BBS4: variants seen among roughly 807,000 people sequenced by gnomAD.
BBS4 encodes the protein Bardet-Biedl syndrome 4, also known as BBSome complex member BBS4.
Under a neutral mutation model 71.4 loss-of-function variants are expected in BBS4, and 58 were observed. That is an observed-to-expected ratio of 0.81 (90% CI 0.66 to 1.01). The LOEUF is 1.01. Among genes scored for constraint, BBS4 ranks in the 50% least tolerant of loss-of-function variants. BBS4 has a pLI of 0.00. For missense variants in BBS4, 660 were observed against 607.9 expected, an observed-to-expected ratio of 1.09 and a Z score of -0.90; for synonymous variants, 228 against 216.8, an observed-to-expected ratio of 1.05 and a Z score of -0.46.
At chr15:72,698,946 T>G (rs1228444350) in intron 2 of BBS4, among the ~76,000 whole-genome samples, 3 of 152,216 alleles carry the variant, frequency 2.0e-5, no homozygotes, top group African/African-American at 7.2e-5. Flanking sequence ...AAAGTCTACA[T>G]GAAACCACTG....
intron 1 of BBS4, among the ~76,000 whole-genome samples, chr15:72,692,615 T>TAAAC: frequency 6.7e-6 from 1 of 148,674 alleles, no homozygotes; most frequent in Non-Finnish European, 1.5e-5. Flanking sequence ...ACCTGGCTGT[T>TAAAC]TGTTTGTTTT....
intron 3 of BBS4, among the ~76,000 whole-genome samples, 166 bp downstream of exon 3, chr15:72,709,945 A>G (rs963013691): frequency 3.9e-5 from 6 of 152,160 alleles, no homozygotes; most frequent in African/African-American, 1.4e-4. Context: ...AGTGATGTTT[A>G]ACATACAACC....
At position 72,687,123 on chromosome 15, in the gene BBS4, A is replaced by ATTTTTTTTTTTTTTTTTT. The variant is rs1491389178; in HGVS notation, c.24+872_24+873insTTTTTTTTTTTTTTTTTT. On this transcript the variant is annotated intron_variant, in intron 1 of 15. Coordinates refer to ENST00000268057, the MANE Select transcript of BBS4 (RefSeq NM_033028.5). ...TAATTAGAAAACTCTGAAGACAGAA[A>ATTTTTTTTTTTTTTTTTT]CTTTTTTTTTTGAGACGGAGTGTCG... 7.5e-3 allele frequency among the ~76,000 whole-genome samples: 90 copies of ATTTTTTTTTTTTTTTTTT among 11,928 alleles called. 5 individuals carry two copies. The highest frequency in any genetic ancestry group is 0.016 in the Non-Finnish European group (58 of 3,736). 7.8% of individuals were successfully genotyped at this position (11,928 alleles called of 152,430 possible). A position where few individuals can be genotyped will look rare whatever the true frequency, so the allele number is the denominator to read the frequency against.
rs550297017 is a variant in BBS4 at position 72,699,441 on chromosome 15, A to G, written c.76+4213A>G. Among the ~76,000 whole-genome samples the G allele has an allele frequency of 2.0e-5, 3 of 152,298 alleles. No homozygotes were observed. The East Asian group carries it at 5.8e-4, about 29-fold the overall frequency. ...ACTTCTAATTTAAATGGAAGGTAGT[A>G]TATATCTAATTTTTCCCTATTATTT... On this transcript the variant is annotated intron_variant, in intron 2 of 15. Transcript: ENST00000268057.
At position 72,735,984 on chromosome 15, in the gene BBS4, T is replaced by G. The variant is rs1314204256; in HGVS notation, c.1248+18T>G. 2.5e-6 allele frequency: 4 copies of G among 1,613,772 alleles called. No individual in the cohort carries two copies. Among genetic ancestry groups the G allele is most frequent in the Non-Finnish European group, 3.4e-6 (4 of 1,179,922 alleles). On this transcript the variant is annotated intron_variant, in intron 14 of 15. Coordinates refer to ENST00000268057, the MANE Select transcript of BBS4 (RefSeq NM_033028.5). ...ACTCTGAGGTATGTCTTTTATTAGC[T>G]CCCAAGAGTCATAAGTAAGCTCTCA...
intron 12 of BBS4, among the ~76,000 whole-genome samples, chr15:72,734,545 C>T (rs986000787): frequency 1.6e-4 from 25 of 152,218 alleles, no homozygotes; most frequent in Non-Finnish European, 5.9e-5. Flanking sequence ...GTTTGTCCAG[C>T]TGTCTTCCTA....
At chr15:72,730,146 G>A (rs1336474890) in intron 10 of BBS4, among the ~76,000 whole-genome samples, 1 of 151,752 alleles carries the variant, frequency 6.6e-6, no homozygotes, top group Non-Finnish European at 1.5e-5. Flanking sequence ...GCGTGGTGGC[G>A]GGCGCCTGTA....
rs139590624 is a variant in BBS4 at position 72,712,925 on chromosome 15, T to C, written c.220+618T>C. Among the ~76,000 whole-genome samples, 783 of 152,248 alleles carry C rather than the reference T, an allele frequency of 5.1e-3. 2 individuals carry two copies. The highest frequency in any genetic ancestry group is 9.4e-3 in the Non-Finnish European group (641 of 68,014). ...ATAAACTTTAAAACTTTTTGGCTCT[T>C]TTGGGGTAATACTTAAAACACACAA... On this transcript the variant is annotated intron_variant, in intron 4 of 15. Transcript: ENST00000268057.
At chr15:72,735,748 T>C in intron 13 of BBS4, 77 bp from the exon 14 acceptor site, 6 of 1,586,988 alleles carry the variant, frequency 3.8e-6, no homozygotes, top group Non-Finnish European at 5.2e-6. Context: ...TTGTTTTGTT[T>C]TTGTGTAATG....
At chr15:72,688,817 C>T (rs1291810475) in intron 1 of BBS4, among the ~76,000 whole-genome samples, 1 of 152,082 alleles carries the variant, frequency 6.6e-6, no homozygotes, top group Non-Finnish European at 1.5e-5. Context: ...TAGTACTATC[C>T]GTAGTGGCAA....
At chr15:72,717,863 G>A (rs1366633499) in intron 6 of BBS4, among the ~76,000 whole-genome samples, 5 of 626 alleles carry the variant, frequency 8.0e-3, no homozygotes, top group South Asian at 0.056. Context: ...GTGTGGTGCG[G>A]GGGGGTACAG....
At position 72,731,716 on chromosome 15, in the gene BBS4, G is replaced by T. The variant is rs1304604222; in HGVS notation, c.1026G>T (p.Met342Ile). Reference sequence around the variant, plus strand: ...AGCCAAAGATGGGGGAGCTCTACATGCTCTTGGCAGGTAAGAAACATTTAT... The same window carrying T: ...AGCCAAAGATGGGGGAGCTCTACATTCTCTTGGCAGGTAAGAAACATTTAT... ...NFQPKMGELY[M>I]LLAVALTNLE... is the part of the protein sequence containing the mutation. The change falls in exon 12 of 16, where the codon ATG (methionine) becomes ATT (isoleucine). Residue 342 changes from methionine (M) to isoleucine (I), a missense_variant. Coordinates refer to ENST00000268057, the MANE Select transcript of BBS4 (RefSeq NM_033028.5). 6.2e-7 allele frequency: 1 copy of T among 1,614,032 alleles called. No homozygotes were observed. The highest frequency in any genetic ancestry group is 1.3e-5 in the African/African-American group (1 of 74,912).
At chr15:72,690,389 T>C (rs1286445324) in intron 1 of BBS4, among the ~76,000 whole-genome samples, 2 of 152,192 alleles carry the variant, frequency 1.3e-5, no homozygotes, top group Admixed American at 1.3e-4. Context: ...TAGAATCCTT[T>C]CCATCTCAAA....
chr15:72,691,053 C>T (rs921173650), intron 1 of BBS4, among the ~76,000 whole-genome samples: 6 of 152,096 alleles, frequency 3.9e-5, no homozygotes, highest in African/African-American at 1.4e-4. Flanking sequence ...AAATCAAGAT[C>T]ATTAACCAAA....
chr15:72,705,798 T>C (rs1471012018), intron 2 of BBS4, among the ~76,000 whole-genome samples: 1 of 152,012 alleles, frequency 6.6e-6, no homozygotes, highest in Non-Finnish European at 1.5e-5. Flanking sequence ...TTGTCCAGGC[T>C]GGCCTTGAAG....
rs1438517868 is a variant in BBS4 at position 72,735,826 on chromosome 15, T to G, written c.1108T>G (p.Cys370Gly). 6.2e-7 allele frequency: 1 copy of G among 1,614,164 alleles called. No individual in the cohort carries two copies. Among genetic ancestry groups the G allele is most frequent in the Non-Finnish European group, 8.5e-7 (1 of 1,180,022 alleles). Residue 370 changes from cysteine (C) to glycine (G), a missense_variant and splice_region_variant, in exon 14 of 16, where the codon TGT (cysteine) becomes GGT (glycine). Transcript: ENST00000268057. ...AYAEAVHLDK[C>G]NPLVNLNYAV... ...CCATAGAATCTCTGTCTGCCACAGG[T>G]GTAACCCTTTAGTAAACCTGAACTA...
In BBS4 at chr15:72,715,346, A is replaced by G. The variant is rs2151023356; in HGVS notation, c.276A>G (p.Thr92=). The G allele has an allele frequency of 6.2e-7, 1 of 1,614,120 alleles. No homozygotes were observed. Among genetic ancestry groups the G allele is most frequent in the Non-Finnish European group, 8.5e-7 (1 of 1,179,976 alleles). Residue 92 remains threonine, a synonymous_variant, in exon 5 of 16, where the codon ACA becomes ACG. Coordinates refer to ENST00000268057, the MANE Select transcript of BBS4 (RefSeq NM_033028.5). ...AAGAATCCCTAGAACTCTTCCAGACATGTGCAGTTCTTAGTCCTCAGAGTG... is the reference window on the plus strand; with the variant it reads ...AAGAATCCCTAGAACTCTTCCAGACGTGTGCAGTTCTTAGTCCTCAGAGTG... ...NIQESLELFQ[T]CAVLSPQSAD...
intron 3 of BBS4, among the ~76,000 whole-genome samples, chr15:72,710,519 T>A (rs905139486): frequency 2.0e-5 from 3 of 151,860 alleles, no homozygotes; most frequent in African/African-American, 4.8e-5. Flanking sequence ...ATTTTTTAAT[T>A]TCTCTCTTAC....
intron 8 of BBS4, 119 bp downstream of exon 8, chr15:72,724,774 G>C (rs1195005844): frequency 7.2e-7 from 1 of 1,381,806 alleles, no homozygotes; most frequent in Non-Finnish European, 9.9e-7. Flanking sequence ...TGAGTTAAAG[G>C]TTAAGCTGAA....
Sources: allele counts gnomAD v4.1 joint callset (sites outside exome capture counted in the v4.1 genomes callset), GRCh38; gene constraint gnomAD v4.1.1; transcripts MANE v1.5; gene names NCBI Gene and HGNC (gene_info 2026-07-23, HGNC 2026-07-21).